ADAMTS19: variants seen among roughly 807,000 people sequenced by gnomAD.
ADAMTS19 encodes the protein ADAM metallopeptidase with thrombospondin type 1 motif 19, also known as A disintegrin and metalloproteinase with thrombospondin motifs 19.
ADAMTS19 carries 93 observed loss-of-function variants against 153.3 expected under a neutral mutation model. The observed-to-expected ratio is 0.61, with a 90% CI of 0.51 to 0.72. ADAMTS19 has a LOEUF of 0.72. Ranked by LOEUF, ADAMTS19 falls within the 30% of genes least tolerant of loss-of-function variation. The pLI is 0.00. For missense variants in ADAMTS19, 1,482 were observed against 1,552.1 expected, an observed-to-expected ratio of 0.95 and a Z score of 0.76; for synonymous variants, 600 against 556.6, an observed-to-expected ratio of 1.08 and a Z score of -1.10.
At chr5:129,536,661 C>A (rs1752441254) in intron 6 of ADAMTS19, among the ~76,000 whole-genome samples, 1 of 152,130 alleles carries the variant, frequency 6.6e-6, no homozygotes, top group Non-Finnish European at 1.5e-5. Flanking sequence ...TGGAACCAAC[C>A]CAAATGTCCA....
At chr5:129,728,665 G>T (rs142122321) in intron 21 of ADAMTS19, among the ~76,000 whole-genome samples, 2,455 of 152,102 alleles carry the variant, frequency 0.016, 67 homozygotes, top group African/African-American at 0.054. Context: ...TACATGACTG[G>T]CTAAAAGTGG....
intron 19 of ADAMTS19, among the ~76,000 whole-genome samples, chr5:129,696,444 G>A (rs966528639): frequency 2.0e-5 from 3 of 152,124 alleles, no homozygotes; most frequent in African/African-American, 7.2e-5. Context: ...CTTCATCTAC[G>A]AAGTTTGAAT....
At chr5:129,695,117 C>T (rs1755497243) in intron 19 of ADAMTS19, among the ~76,000 whole-genome samples, 3 of 152,060 alleles carry the variant, frequency 2.0e-5, no homozygotes, top group African/African-American at 7.2e-5. Flanking sequence ...ATTTCATAAC[C>T]TCTAGGTCAC....
At chr5:129,674,940 C>G (rs246441) in intron 16 of ADAMTS19, among the ~76,000 whole-genome samples, 142,992 of 152,230 alleles carry the variant, frequency 0.94, 67,286 homozygotes, top group East Asian at 1. Flanking sequence ...GAGTAAGTCT[C>G]CTGACATTTC....
chr5:129,528,127 A>G (rs1015153563), intron 5 of ADAMTS19, among the ~76,000 whole-genome samples: 3 of 151,916 alleles, frequency 2.0e-5, no homozygotes, highest in Admixed American at 2.0e-4. Flanking sequence ...TACTTTTAAC[A>G]CTTTTTATTT....
intron 7 of ADAMTS19, among the ~76,000 whole-genome samples, chr5:129,568,029 AT>A (rs1484549726): frequency 6.6e-6 from 1 of 152,152 alleles, no homozygotes; most frequent in Non-Finnish European, 1.5e-5. Context: ...AGAATTCTAT[AT>A]TTTCAAAAAA....
At chr5:129,612,742 G>A (rs982860987) in intron 8 of ADAMTS19, among the ~76,000 whole-genome samples, 1 of 152,042 alleles carries the variant, frequency 6.6e-6, no homozygotes, top group Non-Finnish European at 1.5e-5. Flanking sequence ...ACACAGACTG[G>A]CAAATTGGAT....
intron 1 of ADAMTS19, chr5:129,460,690 G>T (rs1749617470): frequency 6.5e-6 from 4 of 615,272 alleles, no homozygotes; most frequent in Middle Eastern, 4.3e-4. Context: ...ATGTGGAATA[G>T]TTTCCTTCTA....
At chr5:129,671,223 C>T (rs530334355) in intron 16 of ADAMTS19, among the ~76,000 whole-genome samples, 5 of 152,164 alleles carry the variant, frequency 3.3e-5, no homozygotes, top group African/African-American at 1.2e-4. Context: ...AAATAGGAAA[C>T]ACCCAGTAGC....
intron 13 of ADAMTS19, among the ~76,000 whole-genome samples, chr5:129,649,271 C>T (rs1339288595): frequency 6.6e-6 from 1 of 152,044 alleles, no homozygotes; most frequent in Non-Finnish European, 1.5e-5. Context: ...ATTGTAAAAT[C>T]GTGCAGCCAC....
At chr5:129,471,100 T>A (rs990678303) in intron 2 of ADAMTS19, among the ~76,000 whole-genome samples, 2 of 7,320 alleles carry the variant, frequency 2.7e-4, no homozygotes, top group Non-Finnish European at 5.6e-4. Flanking sequence ...GCGGGGGTGG[T>A]GGGGGGTGGT....
In ADAMTS19 at chr5:129,485,970, T is replaced by C. The variant is rs534493002; in HGVS notation, c.748-23107T>C. ...CACGCCTGAACAATTTTTGTATTTT[T>C]AGTAGGGACAGGGTTTCGCTACGTT... is the stretch of plus-strand genomic sequence containing the variant. On this transcript the variant is annotated intron_variant, in intron 2 of 22. Transcript: ENST00000274487. Among the ~76,000 whole-genome samples the C allele has an allele frequency of 1.9e-3, 291 of 152,252 alleles. 2 individuals are homozygous for C. Among genetic ancestry groups the C allele is most frequent in the African/African-American group, 6.2e-3 (256 of 41,544 alleles).
At position 129,701,513 on chromosome 5, in the gene ADAMTS19, T is replaced by C. The variant is rs202042056; in HGVS notation, c.3080T>C (p.Ile1027Thr). The change falls in exon 20 of 23, where the codon ATT becomes ACT. Residue 1027 changes from isoleucine to threonine, a missense_variant. Around this residue, in one of 2 missense-constraint regions of ADAMTS19, gnomAD observed 616 missense variants for 724.4 expected, o/e 0.85. Transcript: ENST00000274487. The part of the protein sequence containing the change: ...TLIRARERDC[I>T]GPKPASAQRC... The stretch of plus-strand genomic sequence containing the variant: ...ATTAGAGCCCGAGAGAGGGACTGCA[T>C]TGGGCCCAAGCCCGCCTCTGCCCAG... The C allele has an allele frequency of 4.3e-6, 7 of 1,614,154 alleles. No homozygotes were observed. The highest frequency in any genetic ancestry group is 2.2e-5 in the East Asian group (1 of 44,868).
intron 1 of ADAMTS19, 62 bp downstream of exon 1, chr5:129,460,544 A>G: frequency 1.9e-6 from 3 of 1,599,012 alleles, no homozygotes; most frequent in Non-Finnish European, 2.6e-6. Context: ...CCGCGAACGT[A>G]CGGGTCGGCA....
At chr5:129,583,161 A>G (rs963341328) in intron 7 of ADAMTS19, among the ~76,000 whole-genome samples, 4 of 152,178 alleles carry the variant, frequency 2.6e-5, no homozygotes, top group Admixed American at 1.3e-4. Flanking sequence ...TTTCTCCTTC[A>G]CTTATGAAGC....
chr5:129,495,046 A>G (rs1291739215), intron 2 of ADAMTS19, among the ~76,000 whole-genome samples: 3 of 152,122 alleles, frequency 2.0e-5, no homozygotes, highest in Non-Finnish European at 4.4e-5. Flanking sequence ...AACTGAATCA[A>G]TAAATTGTTT....
chr5:129,685,070 C>T (rs2127129499), intron 18 of ADAMTS19, among the ~76,000 whole-genome samples: 1 of 151,884 alleles, frequency 6.6e-6, no homozygotes, highest in Non-Finnish European at 1.5e-5. Flanking sequence ...GTCTGTTGGA[C>T]ATCTAAGTGT....
intron 21 of ADAMTS19, among the ~76,000 whole-genome samples, chr5:129,724,767 T>C (rs573231221): frequency 9.2e-5 from 14 of 152,296 alleles, no homozygotes; most frequent in Non-Finnish European, 1.9e-4. Context: ...CTAATTTACA[T>C]AGGGCATGAG....
chr5:129,545,643 C>G (rs1000664109), intron 6 of ADAMTS19, among the ~76,000 whole-genome samples: 2 of 151,890 alleles, frequency 1.3e-5, no homozygotes, highest in African/African-American at 4.8e-5. Context: ...AAATGCTCAT[C>G]ATCACTGGCC....
Sources: allele counts gnomAD v4.1 joint callset (sites outside exome capture counted in the v4.1 genomes callset), GRCh38; gene constraint gnomAD v4.1.1; regional missense constraint gnomAD v4.1.1; transcripts MANE v1.5; gene names NCBI Gene and HGNC (gene_info 2026-07-23, HGNC 2026-07-21).